CASZ1: variants seen among roughly 807,000 people sequenced by gnomAD.
CASZ1 encodes zinc finger protein castor homolog 1.
Under a neutral mutation model 135.2 loss-of-function variants are expected in CASZ1, and 28 were observed. That is an observed-to-expected ratio of 0.21 (90% CI 0.15 to 0.28). CASZ1 has a LOEUF of 0.28. Ranked by LOEUF, CASZ1 falls within the 10% of genes least tolerant of loss-of-function variation. The probability of loss-of-function intolerance (pLI) is 1.00; values close to 1 mark genes in which losing one functional copy is unlikely to be tolerated. For missense variants in CASZ1, 2,161 were observed against 2,453.3 expected (o/e 0.88, Z 2.52); for synonymous variants, 1,068 against 1,073.4 (o/e 0.99, Z 0.10).
chr1:10,660,716 T>C, intron 5 of CASZ1, 180 bp from the exon 6 acceptor site: 1 of 576,164 alleles, frequency 1.7e-6, no homozygotes, highest in Non-Finnish European at 3.1e-6. Flanking sequence ...TTAATTTGTT[T>C]TAAAAAAAAG....
At position 10,706,831 on chromosome 1, in the gene CASZ1, A is replaced by T. The variant is rs1190721091; in HGVS notation, c.-76-1287T>A. The stretch of plus-strand genomic sequence containing the variant: ...CCCACGGGCCTCTGATGCCCATCTC[A>T]TCCAGATGATGAGAGGCGGGGGGGT... On this transcript the variant is annotated intron_variant, in intron 2 of 20. Coordinates refer to ENST00000377022, the MANE Select transcript of CASZ1 (RefSeq NM_001079843.3). The surrounding 1 kb of genome is among the most constrained non-coding windows in gnomAD (Gnocchi z 4.3). 6.6e-6 allele frequency among the ~76,000 whole-genome samples: 1 copy of T among 151,606 alleles called. No homozygotes were observed. Among genetic ancestry groups the T allele is most frequent in the Admixed American group, 6.6e-5 (1 of 15,238 alleles).
Position 10,767,253 on chromosome 1 carries a change from G to A in CASZ1, c.-233-6396C>T, listed in dbSNP as rs139065289. Among the ~76,000 whole-genome samples the A allele has an allele frequency of 8.8e-4, 134 of 152,314 alleles. No individual in the cohort carries two copies. The highest frequency in any genetic ancestry group is 3.1e-3 in the African/African-American group (128 of 41,572). On this transcript the variant is annotated intron_variant, in intron 1 of 20. Transcript: ENST00000377022. The surrounding 1 kb of genome is among the most constrained non-coding windows in gnomAD (Gnocchi z 4.2). ...AGTCCTGGCCCAGGAGATCAGCGAT[G>A]TCCTCTGACCCTTCCCTCTACCCAG...
rs114535302 is a variant in CASZ1, at chr1:10,663,179, G to A, written c.505+1904C>T. Among the ~76,000 whole-genome samples the A allele has an allele frequency of 8.3e-3, 1,265 of 152,308 alleles. 21 individuals carry two copies. Among genetic ancestry groups the A allele is most frequent in the African/African-American group, 0.029 (1,198 of 41,566 alleles). ...TACACAGCCAAGGGAAGGCGTGGCT[G>A]GGGGGTCTCCTCCCAGGCGAACCTG... On this transcript the variant is annotated intron_variant, in intron 5 of 20. Coordinates refer to ENST00000377022, the MANE Select transcript of CASZ1 (RefSeq NM_001079843.3).
intron 2 of CASZ1, among the ~76,000 whole-genome samples, chr1:10,718,621 G>T (rs879886752): frequency 9.2e-5 from 14 of 152,328 alleles, no homozygotes; most frequent in Admixed American, 9.1e-4. Context: ...CAGAGGGTGG[G>T]AAAGGAACAG....
Position 10,639,369 on chromosome 1 carries a change from C to T in CASZ1, c.4853G>A (p.Gly1618Asp). 1.3e-6 allele frequency: 2 copies of T among 1,532,274 alleles called. No individual in the cohort carries two copies. 94.9% of individuals were successfully genotyped at this position (1,532,274 alleles called of 1,614,324 possible). A position where few individuals can be genotyped will look rare whatever the true frequency, so the allele number is the denominator to read the frequency against. The change falls in exon 21 of 21, where the codon GGC (glycine) becomes GAC (aspartate). Residue 1618 changes from glycine (G) to aspartate (D), a missense_variant. Physicochemically the swap from Gly to Asp is moderately conservative, Grantham distance 94. This residue lies in a region of CASZ1 where 240 missense variants were observed against 321.4 expected (regional missense o/e 0.75). Coordinates refer to ENST00000377022, the MANE Select transcript of CASZ1 (RefSeq NM_001079843.3). This position sits in a 1 kb window ranked among gnomAD's most constrained non-coding sequence, Gnocchi z 4.0. ...PAPGPPISLD[G>D]SLSLGAEPGS... Reference sequence around the variant, plus strand: ...CGGCTCGGCGCCCAGCGACAGGGAGCCGTCCAGACTGATGGGAGGCCCGGG... The same window carrying T: ...CGGCTCGGCGCCCAGCGACAGGGAGTCGTCCAGACTGATGGGAGGCCCGGG...
chr1:10,793,178 AAAC>A (rs1640994585), intron 1 of CASZ1, among the ~76,000 whole-genome samples: 1 of 152,028 alleles, frequency 6.6e-6, no homozygotes, highest in South Asian at 2.1e-4. Flanking sequence ...TTATTTTTTT[AAAC>A]AATAGCTTTT....
At chr1:10,784,355 G>T (rs1237084500) in intron 1 of CASZ1, among the ~76,000 whole-genome samples, 3 of 152,218 alleles carry the variant, frequency 2.0e-5, no homozygotes, top group Non-Finnish European at 4.4e-5. Context: ...TTCCTGCGAT[G>T]ATGGAAATGA....
At position 10,666,982 on chromosome 1, in the gene CASZ1, C is replaced by T. The variant is rs890769237; in HGVS notation, c.17-1411G>A. Among the ~76,000 whole-genome samples the T allele has an allele frequency of 7.2e-5, 11 of 152,208 alleles. No homozygotes were observed. The highest frequency in any genetic ancestry group is 1.4e-4 in the African/African-American group (6 of 41,454). On this transcript the variant is annotated intron_variant, in intron 4 of 20. Transcript: ENST00000377022. This position sits in a 1 kb window ranked among gnomAD's most constrained non-coding sequence, Gnocchi z 5.2. ...AAAATGTGCCTCTCCATGGCCCTCA[C>T]GGGAGGAATGGGCGTGTCAGAGTCT...
intron 2 of CASZ1, among the ~76,000 whole-genome samples, chr1:10,743,221 G>A (rs959536361): frequency 6.6e-6 from 1 of 152,056 alleles, no homozygotes; most frequent in Non-Finnish European, 1.5e-5. Context: ...AGAATCCCAG[G>A]GGATTCTGGG....
chr1:10,752,041 G>A (rs1190215302), intron 2 of CASZ1, among the ~76,000 whole-genome samples: 1 of 152,196 alleles, frequency 6.6e-6, no homozygotes, highest in South Asian at 2.1e-4. Flanking sequence ...CTCCCTGCCC[G>A]CAGTGACAGC....
chr1:10,769,073 G>A (rs900907727), intron 1 of CASZ1, among the ~76,000 whole-genome samples: 3 of 152,214 alleles, frequency 2.0e-5, no homozygotes, highest in African/African-American at 7.2e-5. Flanking sequence ...CTGGGAGGCG[G>A]AGGTTGCAGT....
intron 4 of CASZ1, among the ~76,000 whole-genome samples, chr1:10,685,985 G>C (rs1226022366): frequency 6.6e-6 from 1 of 152,198 alleles, no homozygotes; most frequent in Non-Finnish European, 1.5e-5. Flanking sequence ...CTGTCCCCCA[G>C]CCAGCAAGTC....
chr1:10,753,657 C>T lies in CASZ1; in HGVS notation c.-77+7044G>A, dbSNP rs150220766. Among the ~76,000 whole-genome samples the T allele has an allele frequency of 1.4e-3, 213 of 152,256 alleles. 6 individuals carry two copies. The East Asian group carries it at 0.038, about 27-fold the overall frequency. The stretch of plus-strand genomic sequence containing the variant: ...CAAGACCCTGTTTCTGAGCGGCTCC[C>T]CAGAAGGACCGGGGAAAGGAGGCCC... On this transcript the variant is annotated intron_variant, in intron 2 of 20. Transcript: ENST00000377022.
rs1385881211 is a variant in CASZ1 at position 10,759,163 on chromosome 1, A to T, written c.-77+1538T>A. ...GGGAGGGGGCTCTGCAGGCACTCAC[A>T]GCCTCTTCATGGGCAGGGCACAGGG... is the stretch of plus-strand genomic sequence containing the variant. On this transcript the variant is annotated intron_variant, in intron 2 of 20. Coordinates refer to ENST00000377022, the MANE Select transcript of CASZ1 (RefSeq NM_001079843.3). The surrounding 1 kb of genome is among the most constrained non-coding windows in gnomAD (Gnocchi z 4.2). Among the ~76,000 whole-genome samples, 1 of 152,212 alleles carries T rather than the reference A, an allele frequency of 6.6e-6. No homozygotes were observed. Among genetic ancestry groups the T allele is most frequent in the Non-Finnish European group, 1.5e-5 (1 of 68,026 alleles).
chr1:10,659,512 G>A lies in CASZ1; in HGVS notation c.1340+190C>T, dbSNP rs76328776. Among the ~76,000 whole-genome samples the A allele has an allele frequency of 3.7e-3, 561 of 152,332 alleles. 4 individuals are homozygous for A. The highest frequency in any genetic ancestry group is 0.012 in the African/African-American group (516 of 41,568). On this transcript the variant is annotated intron_variant, in intron 6 of 20. Transcript: ENST00000377022. ...TAGGTGCAAGAGTGAATGTGAGTGC[G>A]GCGCGCACCTGTGTGTGTGGAAGCG...
chr1:10,655,315 C>T (rs1642750177), intron 9 of CASZ1, among the ~76,000 whole-genome samples: 1 of 152,228 alleles, frequency 6.6e-6, no homozygotes, highest in Non-Finnish European at 1.5e-5. Context: ...AAGAATTAAA[C>T]AAAAACCTCC....
intron 2 of CASZ1, among the ~76,000 whole-genome samples, chr1:10,738,918 GTTTTTTTTTT>G (rs752101102): frequency 1.4e-5 from 1 of 69,176 alleles, no homozygotes; most frequent in Non-Finnish European, 2.8e-5. Flanking sequence ...ATGAAGGAAG[GTTTTTTTTTT>G]TTTTTTTTTT....
At chr1:10,640,709 G>A (rs1642176328) in intron 20 of CASZ1, among the ~76,000 whole-genome samples, 1 of 152,214 alleles carries the variant, frequency 6.6e-6, no homozygotes, top group Admixed American at 6.5e-5. Context: ...TGGAGGACCA[G>A]GACTCAGGGA....
At chr1:10,729,455 C>G (rs1477111455) in intron 2 of CASZ1, among the ~76,000 whole-genome samples, 1 of 152,152 alleles carries the variant, frequency 6.6e-6, no homozygotes, top group Non-Finnish European at 1.5e-5. Flanking sequence ...CTCATCTGTC[C>G]CGGACAGTCC....
Sources: allele counts gnomAD v4.1 joint callset (sites outside exome capture counted in the v4.1 genomes callset), GRCh38; gene constraint gnomAD v4.1.1; regional missense constraint gnomAD v4.1.1; non-coding constraint Gnocchi (gnomAD v3.1); transcripts MANE v1.5; gene names NCBI Gene and HGNC (gene_info 2026-07-23, HGNC 2026-07-21).